Variants in SFXN5 observed in about 807,000 individuals in gnomAD.
The protein encoded by SFXN5 is sideroflexin 5, also known as sideroflexin-5.
SFXN5 carries 43 observed loss-of-function variants against 50.2 expected under a neutral mutation model. The observed-to-expected ratio is 0.86, with a 90% CI of 0.67 to 1.11. SFXN5 has a LOEUF of 1.11. Ranked by LOEUF, SFXN5 falls within the 50% of genes least tolerant of loss-of-function variation. SFXN5 has a pLI of 0.00. For missense variants in SFXN5, 463 were observed against 454.1 expected (o/e 1.02, Z -0.18); for synonymous variants, 203 against 185.8 (o/e 1.09, Z -0.75).
chr2:73,020,151 T>C (rs2105820193), intron 6 of SFXN5, 88 bp downstream of exon 6: 1 of 1,245,022 alleles, frequency 8.0e-7, no homozygotes, highest in Non-Finnish European at 1.2e-6. Flanking sequence ...AAATCAACAA[T>C]TCAGTCAAAT....
Position 72,992,749 on chromosome 2 carries a change from CCT to C in SFXN5, c.535-4403_535-4402del, listed in dbSNP as rs780287812. 1.1e-4 allele frequency among the ~76,000 whole-genome samples: 17 copies of C among 152,230 alleles called. No homozygotes were observed. Among genetic ancestry groups the C allele is most frequent in the Admixed American group, 2.0e-4 (3 of 15,292 alleles). The stretch of plus-strand genomic sequence containing the variant: ...GACAGTGCACCTCCTAACCAGGCCC[CCT>C]GTTTCCACTCTTGCCCCCATCCATC... On this transcript the variant is annotated intron_variant, in intron 9 of 13. Transcript: ENST00000272433. This position sits in a 1 kb window ranked among gnomAD's most constrained non-coding sequence, Gnocchi z 4.5.
chr2:72,946,593 C>T (rs1036737485), intron 13 of SFXN5, among the ~76,000 whole-genome samples: 1 of 152,142 alleles, frequency 6.6e-6, no homozygotes, highest in Non-Finnish European at 1.5e-5. Context: ...GTGGATGTCT[C>T]ACAGGCGCCT....
chr2:72,948,354 C>A, intron 13 of SFXN5, among the ~76,000 whole-genome samples: 1 of 152,182 alleles, frequency 6.6e-6, no homozygotes, highest in East Asian at 1.9e-4. Context: ...ACAGTAATTG[C>A]AAAATTGTAT....
intron 3 of SFXN5, among the ~76,000 whole-genome samples, chr2:73,028,222 T>C (rs1170098256): frequency 6.6e-6 from 1 of 152,216 alleles, no homozygotes; most frequent in Non-Finnish European, 1.5e-5. Context: ...TCCCTGATGT[T>C]AAGTGAGGCA....
intron 12 of SFXN5, among the ~76,000 whole-genome samples, chr2:72,964,924 G>A (rs528043936): frequency 6.6e-6 from 1 of 152,334 alleles, no homozygotes; most frequent in Non-Finnish European, 1.5e-5. Flanking sequence ...CCATGGATAC[G>A]GAAGGGGGGA....
At chr2:73,054,516 C>T (rs187468801) in intron 2 of SFXN5, among the ~76,000 whole-genome samples, 4 of 151,956 alleles carry the variant, frequency 2.6e-5, no homozygotes, top group Admixed American at 6.6e-5. Context: ...TGAAATGATC[C>T]GAGAATGGGA....
Position 73,004,321 on chromosome 2 carries a change from A to G in SFXN5, c.358-2743T>C, listed in dbSNP as rs868300660. 9.1e-3 allele frequency among the ~76,000 whole-genome samples: 1,257 copies of G among 137,960 alleles called. 14 individuals are homozygous for G. Among genetic ancestry groups the G allele is most frequent in the African/African-American group, 0.036 (1,154 of 31,994 alleles). The allele number at this position is 137,960 out of a possible 152,430, so 90.5% of individuals were successfully genotyped here. A position where few individuals can be genotyped will look rare whatever the true frequency, so the allele number is the denominator to read the frequency against. On this transcript the variant is annotated intron_variant, in intron 6 of 13. Transcript: ENST00000272433. Reference sequence around the variant, plus strand: ...GAGAGGAATGAGTGCGCGCGCACACACACACACACACACACACACACACAC... The same window carrying G: ...GAGAGGAATGAGTGCGCGCGCACACGCACACACACACACACACACACACAC...
intron 6 of SFXN5, chr2:73,019,330 T>C (rs1676542703): frequency 6.6e-6 from 1 of 152,060 alleles, no homozygotes; most frequent in African/African-American, 2.4e-5. Flanking sequence ...TGAATCTTTA[T>C]CTAAGTGAGC....
intron 3 of SFXN5, among the ~76,000 whole-genome samples, chr2:73,023,842 G>C (rs756125937): frequency 2.0e-5 from 3 of 152,216 alleles, no homozygotes; most frequent in African/African-American, 7.2e-5. Context: ...GCTGTAGGGA[G>C]AAAAAGTTCC....
chr2:73,045,034 G>A (rs940356193), intron 2 of SFXN5, among the ~76,000 whole-genome samples: 3 of 152,182 alleles, frequency 2.0e-5, no homozygotes, highest in Non-Finnish European at 4.4e-5. Flanking sequence ...AAGAGTCATC[G>A]GAAGCAAAAC....
At chr2:73,041,667 A>C (rs542424143) in intron 2 of SFXN5, 1 of 405,474 alleles carries the variant, frequency 2.5e-6, no homozygotes, top group East Asian at 7.6e-5. Context: ...TCCATCTAAA[A>C]AAGAAAAAAA....
chr2:73,027,164 G>T (rs568447635), intron 3 of SFXN5, among the ~76,000 whole-genome samples: 2 of 152,142 alleles, frequency 1.3e-5, no homozygotes, highest in African/African-American at 4.8e-5. Flanking sequence ...CAGTCCCGGC[G>T]TGTTACTGTC....
In SFXN5 at chr2:72,973,552, CCA is replaced by C. The variant is rs1370297764; in HGVS notation, c.626-1869_626-1868del. The C allele has an allele frequency of 5.9e-6, 1 of 168,802 alleles. No homozygotes were observed. Among genetic ancestry groups the C allele is most frequent in the Non-Finnish European group, 1.5e-5 (1 of 68,726 alleles). The allele number at this position is 168,802 out of a possible 1,614,324, so 10.5% of individuals were successfully genotyped here. ...TGACACTGAGAAACCCTTGTTTTCA[CCA>C]CAGTCAGTGACAGACAGAATTAGGA... On this transcript the variant is annotated intron_variant, in intron 10 of 13. Transcript: ENST00000272433. The surrounding 1 kb of genome is among the most constrained non-coding windows in gnomAD (Gnocchi z 5.5).
chr2:72,989,416 C>T (rs1672303721), intron 9 of SFXN5, among the ~76,000 whole-genome samples: 1 of 152,054 alleles, frequency 6.6e-6, no homozygotes, highest in Admixed American at 6.6e-5. Context: ...CCTACAACAC[C>T]CCAGGGCTGG....
chr2:73,048,947 A>G (rs1440103844), intron 2 of SFXN5: 1 of 152,192 alleles, frequency 6.6e-6, no homozygotes, highest in African/African-American at 2.4e-5. Flanking sequence ...GTTTCCCAAA[A>G]ACGTTTTACT....
At chr2:73,040,808 T>TCCTTC (rs1679524094) in intron 3 of SFXN5, 46 bp downstream of exon 3, 1 of 1,495,382 alleles carries the variant, frequency 6.7e-7, no homozygotes, top group East Asian at 2.3e-5. Context: ...TTTCTCACTT[T>TCCTTC]CCTTCCCTTC....
At chr2:73,065,051 T>C (rs139168809) in intron 1 of SFXN5, among the ~76,000 whole-genome samples, 4 of 152,284 alleles carry the variant, frequency 2.6e-5, no homozygotes, top group African/African-American at 9.6e-5. Context: ...CCTCTCAAAG[T>C]GCTGGCATTA....
intron 6 of SFXN5, among the ~76,000 whole-genome samples, chr2:73,016,858 G>A (rs1676225737): frequency 6.6e-6 from 1 of 152,154 alleles, no homozygotes; most frequent in African/African-American, 2.4e-5. Flanking sequence ...GTTGAAAATG[G>A]GCATTTTGTT....
At position 72,988,207 on chromosome 2, in the gene SFXN5, G is replaced by A. The variant is rs368777697; in HGVS notation, c.625+51C>T. On this transcript the variant is annotated intron_variant, in intron 10 of 13. Transcript: ENST00000272433. ...TCATCTGTCTCCCTGGGAGCCCAGC[G>A]GTCCCCCACACCCACCCACAGCACA... The A allele has an allele frequency of 2.5e-5, 39 of 1,545,084 alleles. No individual in the cohort carries two copies. In the African/African-American group the frequency reaches 4.4e-4, roughly 17 times the overall value.
Sources: gnomAD v4.1 joint callset for allele counts (sites outside exome capture counted in the v4.1 genomes callset) on GRCh38, gnomAD v4.1.1 for gene constraint, Gnocchi (gnomAD v3.1) non-coding constraint, MANE v1.5 for transcripts, NCBI Gene and HGNC (gene_info 2026-07-23, HGNC 2026-07-21) for gene names.